Variants in KNDC1 observed in about 807,000 individuals in gnomAD.
The protein encoded by KNDC1 is kinase non-catalytic C-lobe domain-containing protein 1.
Under a neutral mutation model 172.8 loss-of-function variants are expected in KNDC1, and 106 were observed. The observed-to-expected ratio is 0.61, with a 90% CI of 0.52 to 0.72. The LOEUF (loss-of-function observed/expected upper bound fraction) is 0.72. Ranked by LOEUF, KNDC1 falls within the 30% of genes least tolerant of loss-of-function variation. The pLI is 0.00. For synonymous variants in KNDC1, 1,083 were observed against 1,062.2 expected (o/e 1.02, Z -0.38); for missense variants, 2,325 against 2,394.5 (o/e 0.97, Z 0.61).
chr10:133,221,580 C>T (rs931877488), intron 29 of KNDC1, among the ~76,000 whole-genome samples: 3 of 152,218 alleles, frequency 2.0e-5, no homozygotes, highest in African/African-American at 4.8e-5. Context: ...GCCCAGGCCA[C>T]GGCGGCTCCA....
At chr10:133,187,151 T>A (rs1853943436) in intron 6 of KNDC1, among the ~76,000 whole-genome samples, 1 of 152,234 alleles carries the variant, frequency 6.6e-6, no homozygotes. Flanking sequence ...CTTGGTGGTG[T>A]CGGTGCTGGG....
At position 133,188,973 on chromosome 10, in the gene KNDC1, C is replaced by T. The variant is rs984338531; in HGVS notation, c.1441+320C>T. Among the ~76,000 whole-genome samples the T allele has an allele frequency of 3.3e-5, 5 of 152,106 alleles. No individual in the cohort carries two copies. In the East Asian group the frequency reaches 9.7e-4, roughly 29 times the overall value. On this transcript the variant is annotated intron_variant, in intron 7 of 29. Transcript: ENST00000304613. ...TGGGCCTTGAAACCGGTGACTGTGC[C>T]GTAAAGAGGAACGGGGACTTTGCCA... is the stretch of plus-strand genomic sequence containing the variant.
chr10:133,217,009 C>G (rs1428353970), intron 26 of KNDC1, among the ~76,000 whole-genome samples: 1 of 152,166 alleles, frequency 6.6e-6, no homozygotes, highest in African/African-American at 2.4e-5. Context: ...GCAGGGTGGG[C>G]GCCGGGGGCT....
chr10:133,161,307 C>T (rs1852961461), intron 1 of KNDC1, among the ~76,000 whole-genome samples: 1 of 152,166 alleles, frequency 6.6e-6, no homozygotes, highest in Non-Finnish European at 1.5e-5. Flanking sequence ...TCCAGGGATC[C>T]GAGATCTGCC....
Position 133,201,805 on chromosome 10 carries a change from C to G in KNDC1, c.3294C>G (p.Tyr1098Ter), listed in dbSNP as rs569324035. Residue 1098 changes from tyrosine (Y) to a stop codon, truncating the protein, a stop_gained, in exon 17 of 30, where the codon TAC (tyrosine) becomes TAG (stop). Coordinates refer to ENST00000304613, the MANE Select transcript of KNDC1 (RefSeq NM_152643.8). LOFTEE classifies it high-confidence loss of function. Reference protein sequence around the residue: ...SCSPGWCSAFYEADCFGADVH... With the variant: ...SCSPGWCSAF ...GCCCCGGCTGGTGCAGCGCCTTCTA[C>G]GAGGCCGACTGCTTCGGGGCCGACG... 6.6e-7 allele frequency: 1 copy of G among 1,515,986 alleles called. No individual in the cohort carries two copies. Among genetic ancestry groups the G allele is most frequent in the African/African-American group, 1.4e-5 (1 of 72,008 alleles). 93.9% of individuals were successfully genotyped at this position (1,515,986 alleles called of 1,614,324 possible). A position where few individuals can be genotyped will look rare whatever the true frequency, so the allele number is the denominator to read the frequency against.
chr10:133,184,105 C>G (rs945044907), intron 5 of KNDC1, 116 bp downstream of exon 5: 1 of 558,072 alleles, frequency 1.8e-6, no homozygotes. Context: ...GCACACACAC[C>G]CATACTGCAC....
chr10:133,175,211 GTGGATGGATGGGTGGATGAACAAA>G (rs1425777833), intron 3 of KNDC1, among the ~76,000 whole-genome samples: 3 of 150,196 alleles, frequency 2.0e-5, no homozygotes, highest in South Asian at 2.1e-4. Flanking sequence ...TGGTGGATAT[GTGGATGGATGGGTGGATGAACAAA>G]TGGATGGATG....
chr10:133,200,070 G>A (rs919827814), intron 15 of KNDC1, among the ~76,000 whole-genome samples: 9 of 151,764 alleles, frequency 5.9e-5, no homozygotes, highest in Admixed American at 2.6e-4. Context: ...CCAGCAGCCC[G>A]GGCAGCTCCT....
chr10:133,211,299 A>G, intron 21 of KNDC1, 123 bp from the exon 22 acceptor site: 1 of 810,324 alleles, frequency 1.2e-6, no homozygotes, highest in Non-Finnish European at 1.8e-6. Context: ...CAGCCCCCTA[A>G]GCCCCCTGCA....
intron 1 of KNDC1, among the ~76,000 whole-genome samples, chr10:133,162,801 G>A (rs1358442366): frequency 6.6e-6 from 1 of 152,246 alleles, no homozygotes; most frequent in East Asian, 1.9e-4. Context: ...ATTCGCTGGT[G>A]AAGTAGAAGG....
At chr10:133,197,815 A>T (rs1215166699) in intron 12 of KNDC1, 47 bp downstream of exon 12, 1 of 1,347,494 alleles carries the variant, frequency 7.4e-7, no homozygotes, top group Non-Finnish European at 1.1e-6. Flanking sequence ...CCTGCACCTG[A>T]CACCACAGCT....
At position 133,160,577 on chromosome 10, in the gene KNDC1, C is replaced by T. The variant is rs751196035; in HGVS notation, c.102+8C>T. ...ACCCTCCCCGAGGACGAGGTGAGCC[C>T]CCGGCCCCACTGGGGGGCCCCTTCC... On this transcript the variant is annotated splice_region_variant and intron_variant, in intron 1 of 29. Coordinates refer to ENST00000304613, the MANE Select transcript of KNDC1 (RefSeq NM_152643.8). The T allele has an allele frequency of 1.9e-5, 29 of 1,555,214 alleles. 1 individual carries two copies. The South Asian group carries it at 3.0e-4, about 16-fold the overall frequency.
intron 6 of KNDC1, among the ~76,000 whole-genome samples, chr10:133,187,724 G>A (rs1187206315): frequency 6.6e-6 from 1 of 152,218 alleles, no homozygotes; most frequent in Admixed American, 6.5e-5. Flanking sequence ...GGCCTCCCAG[G>A]CTGAACGCAT....
At chr10:133,204,153 T>A (rs1385142589) in intron 17 of KNDC1, among the ~76,000 whole-genome samples, 1 of 152,120 alleles carries the variant, frequency 6.6e-6, no homozygotes, top group Non-Finnish European at 1.5e-5. Context: ...ACCACCATCC[T>A]CAGAAGCCAG....
At chr10:133,222,501 G>GCA (rs1845623195) in intron 29 of KNDC1, among the ~76,000 whole-genome samples, 6 of 91,386 alleles carry the variant, frequency 6.6e-5, no homozygotes, top group Non-Finnish European at 1.2e-4. Flanking sequence ...GTGTGTGTGT[G>GCA]TGTGTGTGAG....
rs3810963 is a variant in KNDC1 at position 133,197,456 on chromosome 10, C to T, written c.1813-219C>T. 1.4e-3 allele frequency among the ~76,000 whole-genome samples: 218 copies of T among 152,332 alleles called. No individual in the cohort carries two copies. The East Asian group carries it at 0.031, about 21-fold the overall frequency. On this transcript the variant is annotated intron_variant, in intron 11 of 29. Coordinates refer to ENST00000304613, the MANE Select transcript of KNDC1 (RefSeq NM_152643.8). ...TGCTGGCGTCTCCCACTCCCTGGAA[C>T]CCACGGAAACCTGGTTGGCTTGGGA...
At chr10:133,183,007 GGGCATGGGT>G (rs1189323054) in intron 3 of KNDC1, among the ~76,000 whole-genome samples, 2 of 151,406 alleles carry the variant, frequency 1.3e-5, no homozygotes, top group Admixed American at 6.6e-5. Context: ...CAGGCGGCAA[GGGCATGGGT>G]GGCATGGGTG....
chr10:133,210,756 AGCTTCCCCCTGGG>A, intron 21 of KNDC1, 32 bp downstream of exon 21: 3 of 1,551,096 alleles, frequency 1.9e-6, no homozygotes, highest in Non-Finnish European at 2.7e-6. Context: ...CGCCCGCCAG[AGCTTCCCCCTGGG>A]GCAGGGTGGG....
chr10:133,204,409 G>A (rs1442186224), intron 17 of KNDC1, among the ~76,000 whole-genome samples: 1 of 152,220 alleles, frequency 6.6e-6, no homozygotes, highest in Non-Finnish European at 1.5e-5. Flanking sequence ...TGGGAGGCAG[G>A]GTCGCACTTG....
Sources: gnomAD v4.1 joint callset for allele counts (sites outside exome capture counted in the v4.1 genomes callset) on GRCh38, gnomAD v4.1.1 for gene constraint, MANE v1.5 for transcripts, NCBI Gene and HGNC (gene_info 2026-07-23, HGNC 2026-07-21) for gene names.